SMAD2: variants seen among roughly 807,000 people sequenced by gnomAD.
The protein encoded by SMAD2 is SMAD family member 2.
Under a neutral mutation model 64.4 loss-of-function variants are expected in SMAD2, and 8 were observed. That is an observed-to-expected ratio of 0.12 (90% confidence interval 0.07 to 0.22). The LOEUF is 0.22. Ranked by LOEUF, SMAD2 falls within the 10% of genes least tolerant of loss-of-function variation. The pLI, the probability that SMAD2 is intolerant of heterozygous loss-of-function variation, is 1.00. For missense variants in SMAD2, 289 were observed against 561.2 expected (o/e 0.51, Z 4.90); for synonymous variants, 203 against 195.8 (o/e 1.04, Z -0.31).
chr18:47,887,601 G>A (rs2032978569), intron 2 of SMAD2, among the ~76,000 whole-genome samples: 1 of 152,136 alleles, frequency 6.6e-6, no homozygotes. Context: ...CAACTATTAT[G>A]TCTTACTAAC....
chr18:47,914,404 T>C (rs1055057108), intron 1 of SMAD2, among the ~76,000 whole-genome samples: 1 of 152,194 alleles, frequency 6.6e-6, no homozygotes, highest in African/African-American at 2.4e-5. Flanking sequence ...TTCCGAATCC[T>C]AAGAACCAAC....
chr18:47,870,645 G>A, intron 2 of SMAD2, 81 bp from the exon 3 acceptor site: 1 of 891,636 alleles, frequency 1.1e-6, no homozygotes, highest in Non-Finnish European at 1.9e-6. Flanking sequence ...AAAACATGGA[G>A]AATGTACAGA....
In SMAD2 at chr18:47,820,540, A is replaced by C. The variant is rs1912532549; in HGVS notation, c.*21287T>G. On this transcript the variant is annotated 3_prime_UTR_variant, in exon 11 of 11. Coordinates refer to ENST00000262160, the MANE Select transcript of SMAD2 (RefSeq NM_005901.6). Reference sequence around the variant, plus strand: ...AATATGAAGGAAGTTAATGGGTGTGAGAATGTACCTTTGGTAAGGAAGGTT... The same window carrying C: ...AATATGAAGGAAGTTAATGGGTGTGCGAATGTACCTTTGGTAAGGAAGGTT... 1 of 152,184 alleles carries C rather than the reference A, an allele frequency of 6.6e-6. No individual in the cohort carries two copies. Among genetic ancestry groups the C allele is most frequent in the Non-Finnish European group, 1.5e-5 (1 of 68,022 alleles). 9.4% of individuals were successfully genotyped at this position (152,184 alleles called of 1,614,324 possible).
chr18:47,850,233 T>A (rs1284353659), intron 7 of SMAD2, among the ~76,000 whole-genome samples: 1 of 49,612 alleles, frequency 2.0e-5, no homozygotes, highest in African/African-American at 8.3e-5. Context: ...TAATATATAT[T>A]ATATATTATA....
At chr18:47,880,796 G>C (rs537211408) in intron 2 of SMAD2, among the ~76,000 whole-genome samples, 1 of 152,206 alleles carries the variant, frequency 6.6e-6, no homozygotes, top group African/African-American at 2.4e-5. Context: ...CAACTAACCT[G>C]GTTGCATTCA....
rs1568024460 is a variant in SMAD2 at position 47,836,771 on chromosome 18, T to C, written c.*5056A>G. On this transcript the variant is annotated 3_prime_UTR_variant, in exon 11 of 11. Transcript: ENST00000262160. ...TAAGTTCTTATCGTAAATGCTATCA[T>C]GAGGCTATCTAGTATAGCTCATATT... 4.5e-6 allele frequency: 1 copy of C among 220,536 alleles called. No homozygotes were observed. Among genetic ancestry groups the C allele is most frequent in the African/African-American group, 2.2e-5 (1 of 44,522 alleles). The allele number at this position is 220,536 out of a possible 1,614,324, so 13.7% of individuals were successfully genotyped here.
In SMAD2 at chr18:47,886,281, G is replaced by T. The variant is rs530240725; in HGVS notation, c.236+10240C>A. 7.9e-5 allele frequency among the ~76,000 whole-genome samples: 12 copies of T among 152,312 alleles called. No individual in the cohort carries two copies. The East Asian group carries it at 2.3e-3, about 29-fold the overall frequency. Reference sequence around the variant, plus strand: ...CTCAAATCTGTATAGCACTCTGAATGTGATAAACTGCTTTTATGCATAGAG... The same window carrying T: ...CTCAAATCTGTATAGCACTCTGAATTTGATAAACTGCTTTTATGCATAGAG... On this transcript the variant is annotated intron_variant, in intron 2 of 10. Coordinates refer to ENST00000262160, the MANE Select transcript of SMAD2 (RefSeq NM_005901.6).
chr18:47,848,110 G>GAA (rs1029402638), intron 8 of SMAD2, among the ~76,000 whole-genome samples: 3 of 149,952 alleles, frequency 2.0e-5, no homozygotes, highest in African/African-American at 7.4e-5. Context: ...TAAAGAAACT[G>GAA]AAAAAAAACA....
At chr18:47,881,893 T>C (rs2032613166) in intron 2 of SMAD2, among the ~76,000 whole-genome samples, 1 of 152,110 alleles carries the variant, frequency 6.6e-6, no homozygotes, top group Non-Finnish European at 1.5e-5. Flanking sequence ...TTGTTTGTTT[T>C]GCCCGACAGG....
At chr18:47,869,046 T>C (rs2144376475) in intron 4 of SMAD2, among the ~76,000 whole-genome samples, 197 bp downstream of exon 4, 1 of 152,276 alleles carries the variant, frequency 6.6e-6, no homozygotes, top group African/African-American at 2.4e-5. Flanking sequence ...TCATATGCTA[T>C]TCCAAGAAAC....
In SMAD2 at chr18:47,836,676, C is replaced by T. The variant is rs1913442892; in HGVS notation, c.*5151G>A. On this transcript the variant is annotated 3_prime_UTR_variant, in exon 11 of 11. Transcript: ENST00000262160. ...TCTTAAAAAGACTGAGGCAGTTCTGCTATATATAGTTAGCTACAATATTCA... is the reference window on the plus strand; with the variant it reads ...TCTTAAAAAGACTGAGGCAGTTCTGTTATATATAGTTAGCTACAATATTCA... 4.6e-6 allele frequency: 1 copy of T among 216,980 alleles called. No homozygotes were observed. Among genetic ancestry groups the T allele is most frequent in the African/African-American group, 2.3e-5 (1 of 44,436 alleles). 13.4% of individuals were successfully genotyped at this position (216,980 alleles called of 1,614,324 possible). A position where few individuals can be genotyped will look rare whatever the true frequency, so the allele number is the denominator to read the frequency against.
intron 1 of SMAD2, among the ~76,000 whole-genome samples, chr18:47,910,321 GGAA>G (rs200084951): frequency 0.035 from 5,278 of 152,226 alleles, 120 homozygotes; most frequent in Non-Finnish European, 0.053. Flanking sequence ...CAGATGATGA[GGAA>G]GAAGATGCAG....
chr18:47,929,650 G>GT (rs1191029423), intron 1 of SMAD2, among the ~76,000 whole-genome samples: 3 of 152,140 alleles, frequency 2.0e-5, no homozygotes, highest in African/African-American at 7.2e-5. Context: ...AGGGTCAAGA[G>GT]AAAGGAATAA....
At chr18:47,868,063 C>A (rs968984151) in intron 5 of SMAD2, among the ~76,000 whole-genome samples, 1 of 152,094 alleles carries the variant, frequency 6.6e-6, no homozygotes, top group African/African-American at 2.4e-5. Context: ...AAGATCTTTT[C>A]TTTTCTGCTT....
intron 6 of SMAD2, among the ~76,000 whole-genome samples, chr18:47,858,936 C>T (rs766611979): frequency 6.6e-6 from 1 of 151,932 alleles, no homozygotes; most frequent in African/African-American, 2.4e-5. Context: ...TAAATATAAG[C>T]GGACTAAATT....
chr18:47,869,493 G>C (rs1311934428), intron 3 of SMAD2, 57 bp from the exon 4 acceptor site: 3 of 941,780 alleles, frequency 3.2e-6, no homozygotes, highest in Non-Finnish European at 4.8e-6. Flanking sequence ...AAAAAAAAAA[G>C]TGCAGTCAAA....
chr18:47,861,115 G>A (rs1304003579), intron 6 of SMAD2, among the ~76,000 whole-genome samples: 5 of 152,264 alleles, frequency 3.3e-5, no homozygotes, highest in Non-Finnish European at 7.3e-5. Flanking sequence ...CAGCACTTTG[G>A]GAGGCCGAGG....
rs1012290354 is a variant in SMAD2, at chr18:47,882,802, T to C, written c.237-12238A>G. Among the ~76,000 whole-genome samples, 8 of 152,350 alleles carry C rather than the reference T, an allele frequency of 5.3e-5. No individual in the cohort carries two copies. In the South Asian group the frequency reaches 1.5e-3, roughly 28 times the overall value. On this transcript the variant is annotated intron_variant, in intron 2 of 10. Coordinates refer to ENST00000262160, the MANE Select transcript of SMAD2 (RefSeq NM_005901.6). ...ATGAAGTCAAATTCTTTCATTGTTA[T>C]AGGGCTACCCAGATCTTGTATTTCT...
chr18:47,845,645 A>G lies in SMAD2; in HGVS notation c.1135+18T>C, dbSNP rs2144289767. Reference sequence around the variant, plus strand: ...GCAAGTTGACATGATAGGTTTATGTACATTATTGAATCCATACCTGGTGGA... The same window carrying G: ...GCAAGTTGACATGATAGGTTTATGTGCATTATTGAATCCATACCTGGTGGA... On this transcript the variant is annotated intron_variant, in intron 9 of 10. Coordinates refer to ENST00000262160, the MANE Select transcript of SMAD2 (RefSeq NM_005901.6). 6.2e-7 allele frequency: 1 copy of G among 1,613,408 alleles called. No homozygotes were observed. Among genetic ancestry groups the G allele is most frequent in the Non-Finnish European group, 8.5e-7 (1 of 1,179,318 alleles).
Sources: gnomAD v4.1 joint callset for allele counts (sites outside exome capture counted in the v4.1 genomes callset) on GRCh38, gnomAD v4.1.1 for gene constraint, MANE v1.5 for transcripts, NCBI Gene and HGNC (gene_info 2026-07-23, HGNC 2026-07-21) for gene names.